Variants in CAMK4 observed in about 807,000 individuals in gnomAD.
CAMK4 encodes calcium/calmodulin-dependent protein kinase type IV.
Under a neutral mutation model 44.9 loss-of-function variants are expected in CAMK4, and 22 were observed. The ratio of observed to expected loss-of-function variants is 0.49; its 90% CI spans 0.35 to 0.70. The LOEUF (loss-of-function observed/expected upper bound fraction) is 0.70, where lower values mean the gene tolerates loss of function less well. Among genes scored for constraint, CAMK4 ranks in the 30% least tolerant of loss-of-function variants. The pLI is 0.01. For synonymous variants in CAMK4, 218 were observed against 215.4 expected (o/e 1.01, Z -0.11); for missense variants, 498 against 586.8 (o/e 0.85, Z 1.56).
At chr5:111,331,796 A>G (rs746166223) in intron 1 of CAMK4, among the ~76,000 whole-genome samples, 2 of 151,776 alleles carry the variant, frequency 1.3e-5, no homozygotes, top group Admixed American at 6.6e-5. Flanking sequence ...TTGACAATAA[A>G]TTATAAATTT....
At chr5:111,239,973 T>A (rs1748911650) in intron 1 of CAMK4, among the ~76,000 whole-genome samples, 1 of 152,210 alleles carries the variant, frequency 6.6e-6, no homozygotes, top group Admixed American at 6.5e-5. Flanking sequence ...GACTACTGTT[T>A]TTTGATATTT....
At position 111,419,676 on chromosome 5, in the gene CAMK4, G is replaced by C. The variant is rs376395685; in HGVS notation, c.459+24894G>C. Among the ~76,000 whole-genome samples the C allele has an allele frequency of 1.4e-3, 219 of 151,776 alleles. 5 individuals carry two copies. The East Asian group carries it at 0.027, about 19-fold the overall frequency. On this transcript the variant is annotated intron_variant, in intron 5 of 10. Transcript: ENST00000282356. ...TTTCTACATATGGCTAGCCAGTTTT[G>C]CCAGCACCATTTATTAAATAGGGAA... is the stretch of plus-strand genomic sequence containing the variant.
intron 5 of CAMK4, among the ~76,000 whole-genome samples, chr5:111,444,290 G>A (rs988796804): frequency 1.3e-5 from 2 of 152,228 alleles, no homozygotes; most frequent in South Asian, 2.1e-4. Flanking sequence ...AATATTAGAC[G>A]ACTTACTGGT....
chr5:111,249,231 A>G (rs1749371453), intron 1 of CAMK4, among the ~76,000 whole-genome samples: 1 of 152,114 alleles, frequency 6.6e-6, no homozygotes, highest in Admixed American at 6.6e-5. Context: ...CTCTTCATCA[A>G]ATAATTGGGT....
intron 5 of CAMK4, among the ~76,000 whole-genome samples, chr5:111,403,653 G>A (rs1273863904): frequency 6.6e-6 from 1 of 152,050 alleles, no homozygotes; most frequent in Non-Finnish European, 1.5e-5. Flanking sequence ...TAGACTAGGG[G>A]CCCAATCAGA....
intron 1 of CAMK4, among the ~76,000 whole-genome samples, chr5:111,335,242 T>A (rs1190932433): frequency 6.6e-6 from 1 of 151,528 alleles, no homozygotes. Flanking sequence ...ATTTCTGATT[T>A]ATAACCTCCC....
At chr5:111,444,798 C>G (rs909137262) in intron 5 of CAMK4, among the ~76,000 whole-genome samples, 2 of 152,088 alleles carry the variant, frequency 1.3e-5, no homozygotes, top group African/African-American at 4.8e-5. Context: ...CTTAAACCAA[C>G]AGAAACATGG....
In CAMK4 at chr5:111,460,107, A is replaced by T. The variant is rs1306347710; in HGVS notation, c.625+10904A>T. On this transcript the variant is annotated intron_variant, in intron 7 of 10. Transcript: ENST00000282356. ...CTTAAAATGTCTTATTTTGGACCAG[A>T]ACACCCACAAAATGTTCCACTTTAA... 2.0e-5 allele frequency among the ~76,000 whole-genome samples: 3 copies of T among 152,088 alleles called. No homozygotes were observed. The East Asian group carries it at 5.8e-4, about 29-fold the overall frequency.
intron 5 of CAMK4, among the ~76,000 whole-genome samples, chr5:111,416,922 A>G (rs1254220770): frequency 6.6e-6 from 1 of 152,216 alleles, no homozygotes; most frequent in African/African-American, 2.4e-5. Flanking sequence ...ATGAACATTC[A>G]TAGTCAAAAG....
intron 1 of CAMK4, among the ~76,000 whole-genome samples, chr5:111,272,055 C>G (rs1750539185): frequency 6.6e-6 from 1 of 151,830 alleles, no homozygotes; most frequent in Non-Finnish European, 1.5e-5. Flanking sequence ...CCCTTTGTTA[C>G]TGGTATGAAT....
chr5:111,489,879 T>C lies in CAMK4; in HGVS notation c.*5413T>C, dbSNP rs775670431. On this transcript the variant is annotated 3_prime_UTR_variant, in exon 11 of 11. Transcript: ENST00000282356. ...AGATCAGTGTTTTGTTCCATCCCTA[T>C]GGTCATCTCTAAAGCCCTGACAGGA... 1 of 152,232 alleles carries C rather than the reference T, an allele frequency of 6.6e-6. No individual in the cohort carries two copies. The highest frequency in any genetic ancestry group is 1.5e-5 in the Non-Finnish European group (1 of 68,048). The allele number at this position is 152,232 out of a possible 1,614,324, so 9.4% of individuals were successfully genotyped here. A position where few individuals can be genotyped will look rare whatever the true frequency, so the allele number is the denominator to read the frequency against.
intron 1 of CAMK4, among the ~76,000 whole-genome samples, chr5:111,287,650 G>C (rs1418103704): frequency 6.6e-6 from 1 of 152,086 alleles, no homozygotes; most frequent in Admixed American, 6.5e-5. Context: ...AAAAGTGTTG[G>C]TGGAAGGAAT....
In CAMK4 at chr5:111,401,027, C is replaced by G. The variant is rs1411042917; in HGVS notation, c.459+6245C>G. ...ATCCCCCACTGATACAGCCTTTCTT[C>G]CCTTTTTCTAGCTACAGTTCTCTTT... On this transcript the variant is annotated intron_variant, in intron 5 of 10. Coordinates refer to ENST00000282356, the MANE Select transcript of CAMK4 (RefSeq NM_001744.6). 2.6e-5 allele frequency among the ~76,000 whole-genome samples: 4 copies of G among 152,154 alleles called. No homozygotes were observed. The East Asian group carries it at 5.8e-4, about 22-fold the overall frequency.
At chr5:111,300,623 T>C (rs73786885) in intron 1 of CAMK4, among the ~76,000 whole-genome samples, 12,842 of 152,238 alleles carry the variant, frequency 0.084, 1,824 homozygotes, top group African/African-American at 0.29. Flanking sequence ...TAATTGACTT[T>C]TTAAATGAAT....
chr5:111,423,729 A>G (rs1435766554), intron 5 of CAMK4, among the ~76,000 whole-genome samples: 1 of 152,194 alleles, frequency 6.6e-6, no homozygotes. Flanking sequence ...AAAATGGGCC[A>G]GTTAGGAAAG....
At chr5:111,412,093 A>G (rs889032041) in intron 5 of CAMK4, among the ~76,000 whole-genome samples, 2 of 152,186 alleles carry the variant, frequency 1.3e-5, no homozygotes, top group East Asian at 3.8e-4. Context: ...TAAAAAATTA[A>G]AATCTGAACT....
At chr5:111,317,158 A>G (rs1448731614) in intron 1 of CAMK4, among the ~76,000 whole-genome samples, 1 of 152,160 alleles carries the variant, frequency 6.6e-6, no homozygotes, top group East Asian at 1.9e-4. Context: ...AATGCATCTG[A>G]TAAGAAACAA....
At chr5:111,231,146 G>A (rs1468616278) in intron 1 of CAMK4, among the ~76,000 whole-genome samples, 2 of 152,272 alleles carry the variant, frequency 1.3e-5, no homozygotes, top group South Asian at 2.1e-4. Flanking sequence ...AGCACATAAA[G>A]GATGTGGACC....
intron 7 of CAMK4, among the ~76,000 whole-genome samples, chr5:111,452,096 A>G (rs1754258237): frequency 6.6e-6 from 1 of 152,270 alleles, no homozygotes; most frequent in South Asian, 2.1e-4. Context: ...TTAGGTAGAC[A>G]TGAAGGATGA....
Sources: gnomAD v4.1 joint callset for allele counts (sites outside exome capture counted in the v4.1 genomes callset) on GRCh38, gnomAD v4.1.1 for gene constraint, MANE v1.5 for transcripts, NCBI Gene and HGNC (gene_info 2026-07-23, HGNC 2026-07-21) for gene names.